The following PTTG1IP variants were observed in gnomAD, a reference collection of about 807,000 sequenced individuals.
PTTG1IP encodes the protein PTTG1 interacting protein.
PTTG1IP carries 16 observed loss-of-function variants against 24.4 expected under a neutral mutation model. That is an observed-to-expected ratio of 0.66 (90% CI 0.44 to 1.00). PTTG1IP has a LOEUF of 1.00. Among genes scored for constraint, PTTG1IP ranks in the 50% least tolerant of loss-of-function variants. PTTG1IP has a pLI of 0.00. For synonymous variants in PTTG1IP, 89 were observed against 96.8 expected (o/e 0.92, Z 0.47); for missense variants, 241 against 245.8 (o/e 0.98, Z 0.13).
rs761076398 is a variant in PTTG1IP at position 44,866,374 on chromosome 21, AACAC to A, written c.116-931_116-928del. Among the ~76,000 whole-genome samples the A allele has an allele frequency of 6.9e-4, 31 of 44,760 alleles. 3 individuals are homozygous for A. Among genetic ancestry groups the A allele is most frequent in the Non-Finnish European group, 9.5e-4 (28 of 29,430 alleles). The allele number at this position is 44,760 out of a possible 152,430, so 29.4% of individuals were successfully genotyped here. ...CACAGACTGCCTACTCCAATCCCAT[AACAC>A]ACACACACACACACACACACAGAGA... On this transcript the variant is annotated intron_variant, in intron 1 of 5. Transcript: ENST00000330938.
Position 44,850,131 on chromosome 21 carries a change from G to C in PTTG1IP, c.*1450C>G, listed in dbSNP as rs1287499086. Reference sequence around the variant, plus strand: ...AGTTCTTGAAGTGTTCTGGATCAGTGATCTGCCTGTGAACTTTAGTTCACG... The same window carrying C: ...AGTTCTTGAAGTGTTCTGGATCAGTCATCTGCCTGTGAACTTTAGTTCACG... On this transcript the variant is annotated 3_prime_UTR_variant, in exon 6 of 6. Transcript: ENST00000330938. 1 of 152,216 alleles carries C rather than the reference G, an allele frequency of 6.6e-6. No individual in the cohort carries two copies. The highest frequency in any genetic ancestry group is 6.5e-5 in the Admixed American group (1 of 15,282). 9.4% of individuals were successfully genotyped at this position (152,216 alleles called of 1,614,324 possible). A position where few individuals can be genotyped will look rare whatever the true frequency, so the allele number is the denominator to read the frequency against.
chr21:44,853,131 G>T (rs1293827105), intron 5 of PTTG1IP, among the ~76,000 whole-genome samples: 1 of 152,206 alleles, frequency 6.6e-6, no homozygotes, highest in Admixed American at 6.5e-5. Flanking sequence ...CACAGCTTGT[G>T]CTTGGTGATA....
At chr21:44,853,171 C>T (rs1270725536) in intron 5 of PTTG1IP, among the ~76,000 whole-genome samples, 1 of 151,918 alleles carries the variant, frequency 6.6e-6, no homozygotes, top group African/African-American at 2.4e-5. Context: ...TGCGTGTGTG[C>T]GCGTGTGCGT....
intron 1 of PTTG1IP, among the ~76,000 whole-genome samples, chr21:44,872,175 C>A (rs535305117): frequency 2.0e-5 from 3 of 152,182 alleles, no homozygotes. Flanking sequence ...GAAACGTATT[C>A]ACTGCACATT....
intron 3 of PTTG1IP, among the ~76,000 whole-genome samples, chr21:44,858,479 TTC>T (rs761263005): frequency 2.0e-5 from 3 of 152,158 alleles, no homozygotes; most frequent in African/African-American, 4.8e-5. Flanking sequence ...CAGGCACACT[TTC>T]TGTTTCTCCC....
At chr21:44,870,260 G>T (rs1435910669) in intron 1 of PTTG1IP, among the ~76,000 whole-genome samples, 2 of 152,184 alleles carry the variant, frequency 1.3e-5, no homozygotes, top group African/African-American at 2.4e-5. Flanking sequence ...GAAAAGAAAG[G>T]CCGGGTGCAG....
chr21:44,856,140 A>T, intron 4 of PTTG1IP, 53 bp downstream of exon 4: 3 of 1,613,482 alleles, frequency 1.9e-6, no homozygotes, highest in Non-Finnish European at 2.5e-6. Flanking sequence ...ATGGCCTTGC[A>T]GATCTGAATC....
chr21:44,853,614 A>G (rs1190881847), intron 5 of PTTG1IP, among the ~76,000 whole-genome samples: 1 of 151,960 alleles, frequency 6.6e-6, no homozygotes, highest in Non-Finnish European at 1.5e-5. Context: ...TGCTGGGCCC[A>G]CGCTCCACGT....
chr21:44,859,112 C>A (rs562922333), intron 3 of PTTG1IP, among the ~76,000 whole-genome samples: 1 of 152,366 alleles, frequency 6.6e-6, no homozygotes, highest in Non-Finnish European at 1.5e-5. Context: ...CATGGCTGAA[C>A]AGCTGTAGAA....
intron 2 of PTTG1IP, among the ~76,000 whole-genome samples, chr21:44,864,357 C>T (rs537949198): frequency 9.9e-5 from 15 of 152,254 alleles, no homozygotes; most frequent in African/African-American, 2.2e-4. Context: ...CAGGCCACCA[C>T]GCAGAGAAAA....
At chr21:44,851,696 C>A (rs1156260913) in intron 5 of PTTG1IP, 69 bp from the exon 6 acceptor site, 1 of 1,498,266 alleles carries the variant, frequency 6.7e-7, no homozygotes, top group Non-Finnish European at 9.0e-7. Context: ...GAAAGCCATA[C>A]AAACCAAGCT....
chr21:44,855,869 T>C (rs925788654), intron 4 of PTTG1IP, among the ~76,000 whole-genome samples: 14 of 152,200 alleles, frequency 9.2e-5, no homozygotes, highest in African/African-American at 3.4e-4. Context: ...GAGCCTCAGC[T>C]TGCTCTTGGC....
At chr21:44,855,167 T>A (rs2083439395) in intron 5 of PTTG1IP, 43 bp downstream of exon 5, 2 of 1,564,500 alleles carry the variant, frequency 1.3e-6, no homozygotes, top group Non-Finnish European at 1.8e-6. Flanking sequence ...CAGCGTGCCA[T>A]CGCCTCCCAA....
chr21:44,869,264 G>GT (rs1391875422), intron 1 of PTTG1IP, among the ~76,000 whole-genome samples: 1 of 152,208 alleles, frequency 6.6e-6, no homozygotes, highest in Non-Finnish European at 1.5e-5. Flanking sequence ...TATATGGATT[G>GT]TAAGTTAAAT....
chr21:44,865,201 C>T (rs2083525994), intron 2 of PTTG1IP, among the ~76,000 whole-genome samples, 194 bp downstream of exon 2: 2 of 152,198 alleles, frequency 1.3e-5, no homozygotes, highest in Non-Finnish European at 2.9e-5. Context: ...ACAGTAACTG[C>T]AGTTTTCATG....
chr21:44,871,172 A>G (rs2083581724), intron 1 of PTTG1IP, among the ~76,000 whole-genome samples: 1 of 152,252 alleles, frequency 6.6e-6, no homozygotes, highest in Non-Finnish European at 1.5e-5. Flanking sequence ...GAAGACTAGG[A>G]GTATGTATCA....
intron 5 of PTTG1IP, among the ~76,000 whole-genome samples, chr21:44,854,007 C>T (rs963536573): frequency 2.0e-5 from 3 of 152,158 alleles, no homozygotes; most frequent in Non-Finnish European, 2.9e-5. Context: ...GGGGACGTCC[C>T]GGCCAGTGGG....
intron 3 of PTTG1IP, among the ~76,000 whole-genome samples, chr21:44,860,801 A>T (rs1179796172): frequency 6.7e-6 from 1 of 150,372 alleles, no homozygotes; most frequent in Non-Finnish European, 1.5e-5. Context: ...AACTGAGCAC[A>T]TAATACTATT....
In PTTG1IP at chr21:44,851,467, G is replaced by A; in HGVS notation, c.*114C>T. On this transcript the variant is annotated 3_prime_UTR_variant, in exon 6 of 6. Transcript: ENST00000330938. The stretch of plus-strand genomic sequence containing the variant: ...TCCGGCCGCCTGTCCTGGAAGGCTG[G>A]CAGGTTCACTGGCCAAGGTCAGGAG... The A allele has an allele frequency of 1.2e-6, 2 of 1,611,234 alleles. No individual in the cohort carries two copies. The highest frequency in any genetic ancestry group is 1.3e-5 in the African/African-American group (1 of 75,078).
Sources: allele counts gnomAD v4.1 joint callset (sites outside exome capture counted in the v4.1 genomes callset), GRCh38; gene constraint gnomAD v4.1.1; transcripts MANE v1.5; gene names NCBI Gene and HGNC (gene_info 2026-07-23, HGNC 2026-07-21).